The following STPG2 variants were observed in gnomAD, a reference collection of about 807,000 sequenced individuals.
STPG2 encodes the protein sperm tail PG-rich repeat containing 2, also known as sperm-tail PG-rich repeat-containing protein 2.
A neutral mutation model predicts 54.2 loss-of-function variants in STPG2; 56 were observed. The observed-to-expected ratio is 1.03, with a 90% confidence interval of 0.83 to 1.29. The LOEUF is 1.29. Ranked by LOEUF, STPG2 falls within the 50% of genes most tolerant of loss-of-function variation. STPG2 has a pLI of 0.00. For synonymous variants in STPG2, 200 were observed against 181.8 expected (o/e 1.10, Z -0.81); for missense variants, 596 against 544.9 (o/e 1.09, Z -0.93).
intron 9 of STPG2, among the ~76,000 whole-genome samples, chr4:97,822,912 C>A (rs966563019): frequency 6.6e-6 from 1 of 152,178 alleles, no homozygotes; most frequent in East Asian, 1.9e-4. Context: ...AAACCAGCCA[C>A]AACATTTCCT....
chr4:97,569,203 C>A (rs1256175014), intron 10 of STPG2, among the ~76,000 whole-genome samples: 1 of 152,096 alleles, frequency 6.6e-6, no homozygotes, highest in Non-Finnish European at 1.5e-5. Flanking sequence ...AGTTTTCTCC[C>A]CTTTTAAGAC....
At chr4:98,095,447 C>T (rs1738828568) in intron 5 of STPG2, among the ~76,000 whole-genome samples, 1 of 152,034 alleles carries the variant, frequency 6.6e-6, no homozygotes, top group African/African-American at 2.4e-5. Flanking sequence ...TAAAGATGCA[C>T]AGAGACTGAA....
intron 4 of STPG2, among the ~76,000 whole-genome samples, chr4:97,447,155 G>A (rs900515205): frequency 6.6e-6 from 1 of 152,198 alleles, no homozygotes; most frequent in Non-Finnish European, 1.5e-5. Context: ...CTCTTGCTAT[G>A]CTTTAGCAAA....
At chr4:97,872,824 T>G (rs914286010) in intron 8 of STPG2, among the ~76,000 whole-genome samples, 2 of 151,322 alleles carry the variant, frequency 1.3e-5, no homozygotes, top group African/African-American at 4.8e-5. Flanking sequence ...ACCCCAGATA[T>G]AGTCAGTTGG....
chr4:97,537,947 C>T (rs1156509002), intron 4 of STPG2, among the ~76,000 whole-genome samples: 1 of 152,132 alleles, frequency 6.6e-6, no homozygotes, highest in African/African-American at 2.4e-5. Context: ...CTGGAGTGGA[C>T]CTCCAGCAAA....
chr4:97,525,906 T>C (rs1259514909), intron 4 of STPG2, among the ~76,000 whole-genome samples: 1 of 152,080 alleles, frequency 6.6e-6, no homozygotes, highest in Non-Finnish European at 1.5e-5. Flanking sequence ...ATTTATTTTA[T>C]GCATTATTTA....
At chr4:97,739,969 A>G (rs1359069173) in intron 9 of STPG2, among the ~76,000 whole-genome samples, 2 of 152,068 alleles carry the variant, frequency 1.3e-5, no homozygotes, top group Non-Finnish European at 2.9e-5. Context: ...CCTCAATAAA[A>G]TACTGGCAAA....
At chr4:97,978,039 G>T (rs796948235) in intron 6 of STPG2, among the ~76,000 whole-genome samples, 1 of 152,108 alleles carries the variant, frequency 6.6e-6, no homozygotes, top group African/African-American at 2.4e-5. Context: ...AAATTTCCAG[G>T]CTGAATTTCA....
chr4:97,685,311 C>A (rs572950281), intron 10 of STPG2, among the ~76,000 whole-genome samples: 8 of 151,988 alleles, frequency 5.3e-5, no homozygotes, highest in Admixed American at 1.3e-4. Flanking sequence ...TGGAAACAAC[C>A]AAGATGTCCT....
intron 8 of STPG2, among the ~76,000 whole-genome samples, chr4:97,877,573 A>G (rs1314645108): frequency 6.6e-6 from 1 of 152,146 alleles, no homozygotes; most frequent in Admixed American, 6.6e-5. Context: ...GGGGCTTCCC[A>G]TTATAAAACC....
chr4:97,887,891 GAA>G (rs1254472593), intron 8 of STPG2, among the ~76,000 whole-genome samples: 3 of 152,152 alleles, frequency 2.0e-5, no homozygotes, highest in African/African-American at 4.8e-5. Context: ...GCAGCCTTGG[GAA>G]ACTGCTCCCT....
At chr4:97,661,527 A>G (rs542897495) in intron 10 of STPG2, among the ~76,000 whole-genome samples, 1 of 152,308 alleles carries the variant, frequency 6.6e-6, no homozygotes, top group African/African-American at 2.4e-5. Context: ...AGAACAACCT[A>G]GGATTTCAAA....
At chr4:97,526,321 A>G (rs1731279417) in intron 4 of STPG2, among the ~76,000 whole-genome samples, 1 of 152,090 alleles carries the variant, frequency 6.6e-6, no homozygotes, top group East Asian at 1.9e-4. Flanking sequence ...ACTATGATAT[A>G]TAAACACATT....
chr4:97,487,281 T>C (rs1578337098), intron 4 of STPG2, among the ~76,000 whole-genome samples: 1 of 151,104 alleles, frequency 6.6e-6, no homozygotes, highest in Non-Finnish European at 1.5e-5. Flanking sequence ...AATATAACTA[T>C]AGAAACCAGA....
chr4:98,064,315 C>T (rs1737756615), intron 5 of STPG2, among the ~76,000 whole-genome samples: 1 of 152,114 alleles, frequency 6.6e-6, no homozygotes, highest in Non-Finnish European at 1.5e-5. Flanking sequence ...TTCTTGTTAT[C>T]GCTACTACAG....
At chr4:97,802,537 C>G (rs558500023) in intron 9 of STPG2, among the ~76,000 whole-genome samples, 3 of 152,158 alleles carry the variant, frequency 2.0e-5, no homozygotes, top group African/African-American at 7.2e-5. Context: ...ATGGTGGGAT[C>G]TGGGCTCACT....
At chr4:97,918,267 G>C (rs530846922) in intron 8 of STPG2, among the ~76,000 whole-genome samples, 4 of 152,188 alleles carry the variant, frequency 2.6e-5, no homozygotes, top group African/African-American at 7.2e-5. Context: ...CTTCAAAATA[G>C]ATGAAAACAA....
In STPG2 at chr4:97,686,944, T is replaced by A. The variant is rs564982186; in HGVS notation, c.1320+25755A>T. ...ACTAATTATTATTATTATTATTATTTTTTTTTTTGAGAGAGAGAGTGAGTC... is the reference window on the plus strand; with the variant it reads ...ACTAATTATTATTATTATTATTATTATTTTTTTTGAGAGAGAGAGTGAGTC... On this transcript the variant is annotated intron_variant, in intron 10 of 10. Transcript: ENST00000295268. Among the ~76,000 whole-genome samples the A allele has an allele frequency of 7.9e-3, 1,179 of 149,326 alleles. 7 individuals are homozygous for A. Among genetic ancestry groups the A allele is most frequent in the Admixed American group, 0.015 (219 of 15,002 alleles).
chr4:98,081,042 GC>G (rs1738327527), intron 5 of STPG2, among the ~76,000 whole-genome samples: 1 of 152,112 alleles, frequency 6.6e-6, no homozygotes, highest in Non-Finnish European at 1.5e-5. Context: ...CAAAGCTGCT[GC>G]CCTCTACCAT....
Sources: allele counts gnomAD v4.1 joint callset (sites outside exome capture counted in the v4.1 genomes callset), GRCh38; gene constraint gnomAD v4.1.1; transcripts MANE v1.5; gene names NCBI Gene and HGNC (gene_info 2026-07-23, HGNC 2026-07-21).